Variants in EMCN observed in about 807,000 individuals in gnomAD.
EMCN encodes endomucin.
Under a neutral mutation model 38.4 loss-of-function variants are expected in EMCN, and 37 were observed. The ratio of observed to expected loss-of-function variants is 0.96; its 90% confidence interval spans 0.74 to 1.27. The LOEUF (loss-of-function observed/expected upper bound fraction) is 1.27, where lower values mean the gene tolerates loss of function less well. EMCN is among the 50% of genes most tolerant of loss of function. EMCN has a pLI of 0.00. For synonymous variants in EMCN, 95 were observed against 100.8 expected (o/e 0.94, Z 0.35); for missense variants, 318 against 302.8 (o/e 1.05, Z -0.37).
At chr4:100,469,047 T>A (rs1210532829) in intron 3 of EMCN, among the ~76,000 whole-genome samples, 1 of 151,968 alleles carries the variant, frequency 6.6e-6, no homozygotes, top group East Asian at 1.9e-4. Flanking sequence ...CATAGACCAG[T>A]GGAAGAAAAT....
intron 5 of EMCN, among the ~76,000 whole-genome samples, chr4:100,434,960 C>A (rs1211924164): frequency 6.6e-6 from 1 of 152,074 alleles, no homozygotes; most frequent in Non-Finnish European, 1.5e-5. Context: ...CCTTGAAAAC[C>A]AGCACAAGAC....
chr4:100,456,543 C>T (rs171429), intron 4 of EMCN, among the ~76,000 whole-genome samples: 1 of 152,104 alleles, frequency 6.6e-6, no homozygotes, highest in African/African-American at 2.4e-5. Flanking sequence ...TCATTCAGTT[C>T]AAACTATTTG....
At chr4:100,512,505 A>C (rs1345587769) in intron 1 of EMCN, among the ~76,000 whole-genome samples, 1 of 152,150 alleles carries the variant, frequency 6.6e-6, no homozygotes, top group East Asian at 1.9e-4. Context: ...ATTGAAAGTT[A>C]CTTAAATTCC....
At chr4:100,413,865 A>G (rs920198444) in intron 10 of EMCN, among the ~76,000 whole-genome samples, 1 of 152,202 alleles carries the variant, frequency 6.6e-6, no homozygotes, top group Admixed American at 6.5e-5. Context: ...ATTTTTGAAG[A>G]AAAGGAAGTT....
intron 11 of EMCN, among the ~76,000 whole-genome samples, chr4:100,402,373 C>T (rs1034418989): frequency 1.3e-5 from 2 of 152,040 alleles, no homozygotes; most frequent in Non-Finnish European, 1.5e-5. Flanking sequence ...CATGAGGGTT[C>T]AAGACTTTTT....
At chr4:100,509,768 T>C (rs1008679604) in intron 1 of EMCN, among the ~76,000 whole-genome samples, 9 of 152,290 alleles carry the variant, frequency 5.9e-5, no homozygotes, top group African/African-American at 2.2e-4. Flanking sequence ...AAAAATTATG[T>C]AAAGGTATTA....
chr4:100,430,498 A>G lies in EMCN; in HGVS notation c.416-7094T>C, dbSNP rs1017002122. ...GTCAAACCAGACCATGCAGATAGAAACAAGGAGACAGGGAGAATTATTCCT... is the reference window on the plus strand; with the variant it reads ...GTCAAACCAGACCATGCAGATAGAAGCAAGGAGACAGGGAGAATTATTCCT... On this transcript the variant is annotated intron_variant, in intron 5 of 11. Coordinates refer to ENST00000296420, the MANE Select transcript of EMCN (RefSeq NM_016242.4). Among the ~76,000 whole-genome samples, 4 of 152,342 alleles carry G rather than the reference A, an allele frequency of 2.6e-5. No individual in the cohort carries two copies. The East Asian group carries it at 7.7e-4, about 29-fold the overall frequency.
intron 3 of EMCN, among the ~76,000 whole-genome samples, chr4:100,467,159 T>C (rs1256952510): frequency 1.3e-5 from 2 of 152,188 alleles, no homozygotes; most frequent in Non-Finnish European, 2.9e-5. Flanking sequence ...CTACACTCAA[T>C]GTAGGACAGG....
At chr4:100,464,693 A>G (rs964375487) in intron 4 of EMCN, among the ~76,000 whole-genome samples, 2 of 152,124 alleles carry the variant, frequency 1.3e-5, no homozygotes, top group Non-Finnish European at 2.9e-5. Flanking sequence ...TGTTAAACTA[A>G]TCTTGCATTT....
chr4:100,416,240 G>T (rs753493577), intron 9 of EMCN, among the ~76,000 whole-genome samples: 1 of 152,006 alleles, frequency 6.6e-6, no homozygotes, highest in Non-Finnish European at 1.5e-5. Flanking sequence ...CTCTTATAGT[G>T]GTGATTGTCA....
intron 4 of EMCN, among the ~76,000 whole-genome samples, chr4:100,458,333 T>C (rs1461045137): frequency 6.6e-6 from 1 of 152,090 alleles, no homozygotes; most frequent in Non-Finnish European, 1.5e-5. Flanking sequence ...CCTAAAATAT[T>C]TCCAAGGGCC....
In EMCN at chr4:100,418,144, C is replaced by T. The variant is rs141454749; in HGVS notation, c.665-1003G>A. 6.0e-3 allele frequency among the ~76,000 whole-genome samples: 907 copies of T among 152,250 alleles called. 12 individuals carry two copies. The highest frequency in any genetic ancestry group is 0.01 in the Non-Finnish European group (685 of 68,006). Reference sequence around the variant, plus strand: ...CACCATATGCTGCTCACCAATTAGACTTAACCTCATCTTTGCTCCATCAGT... The same window carrying T: ...CACCATATGCTGCTCACCAATTAGATTTAACCTCATCTTTGCTCCATCAGT... On this transcript the variant is annotated intron_variant, in intron 8 of 11. Transcript: ENST00000296420.
chr4:100,417,225 G>T, intron 8 of EMCN, 84 bp from the exon 9 acceptor site: 2 of 1,153,184 alleles, frequency 1.7e-6, no homozygotes, highest in South Asian at 1.2e-5. Context: ...CCCCTCACCT[G>T]CTGTCCACTC....
chr4:100,415,835 C>T (rs1726711225), intron 10 of EMCN, 63 bp downstream of exon 10: 1 of 1,138,170 alleles, frequency 8.8e-7, no homozygotes, highest in Non-Finnish European at 1.3e-6. Flanking sequence ...GAACAAAATC[C>T]AAGGTTATAG....
At chr4:100,513,292 A>T (rs1729674456) in intron 1 of EMCN, among the ~76,000 whole-genome samples, 1 of 152,180 alleles carries the variant, frequency 6.6e-6, no homozygotes, top group East Asian at 1.9e-4. Flanking sequence ...CCTACAATAG[A>T]CTACCCATTT....
chr4:100,500,007 C>A (rs577847031), intron 1 of EMCN, among the ~76,000 whole-genome samples: 1 of 152,150 alleles, frequency 6.6e-6, no homozygotes, highest in South Asian at 2.1e-4. Context: ...TAAAGTATAT[C>A]TTTTTTGTTC....
At chr4:100,481,963 G>A (rs529173405) in intron 1 of EMCN, among the ~76,000 whole-genome samples, 9 of 128,482 alleles carry the variant, frequency 7.0e-5, no homozygotes, top group South Asian at 2.4e-4. Flanking sequence ...TCCTTCTCTC[G>A]TTTTCTCCCT....
At chr4:100,433,654 GC>G (rs1727266151) in intron 5 of EMCN, among the ~76,000 whole-genome samples, 1 of 151,792 alleles carries the variant, frequency 6.6e-6, no homozygotes, top group East Asian at 1.9e-4. Flanking sequence ...TCCTGCCTCA[GC>G]CTCTTCAGTA....
In EMCN at chr4:100,460,139, C is replaced by T. The variant is rs77774211; in HGVS notation, c.376+5284G>A. Among the ~76,000 whole-genome samples the T allele has an allele frequency of 3.0e-3, 453 of 152,188 alleles. 3 individuals are homozygous for T. Among genetic ancestry groups the T allele is most frequent in the African/African-American group, 0.01 (435 of 41,526 alleles). On this transcript the variant is annotated intron_variant, in intron 4 of 11. Transcript: ENST00000296420. ...CATTCTAACAGGTATGAGGTGATAA[C>T]TCATAGTGGTTTTAATTTGCATTTC...
Sources: gnomAD v4.1 joint callset for allele counts (sites outside exome capture counted in the v4.1 genomes callset) on GRCh38, gnomAD v4.1.1 for gene constraint, MANE v1.5 for transcripts, NCBI Gene and HGNC (gene_info 2026-07-23, HGNC 2026-07-21) for gene names.